TEX10: variants seen among roughly 807,000 people sequenced by gnomAD.
TEX10 encodes testis-expressed protein 10.
Under a neutral mutation model 104.4 loss-of-function variants are expected in TEX10, and 24 were observed. The ratio of observed to expected loss-of-function variants is 0.23; its 90% CI spans 0.17 to 0.32. The LOEUF (loss-of-function observed/expected upper bound fraction) is 0.32. Among genes scored for constraint, TEX10 ranks in the 10% least tolerant of loss-of-function variants. TEX10 has a pLI of 1.00. For synonymous variants in TEX10, 396 were observed against 393.4 expected, an observed-to-expected ratio of 1.01 and a Z score of -0.08; for missense variants, 921 against 1,083.9, an observed-to-expected ratio of 0.85 and a Z score of 2.11.
chr9:100,322,083 T>G (rs748773317), intron 9 of TEX10, among the ~76,000 whole-genome samples: 12 of 152,212 alleles, frequency 7.9e-5, no homozygotes, highest in Non-Finnish European at 1.5e-4. Context: ...AAGTTTTGCT[T>G]TTCAGTAGTA....
chr9:100,349,116 C>G, intron 2 of TEX10, 68 bp downstream of exon 2: 8 of 1,353,860 alleles, frequency 5.9e-6, no homozygotes, highest in Non-Finnish European at 7.8e-6. Flanking sequence ...CAAATTTTCA[C>G]AAAAATATAA....
In TEX10 at chr9:100,352,869, T is replaced by G; in HGVS notation, c.-107A>C. On this transcript the variant is annotated 5_prime_UTR_variant, in exon 1 of 15. Coordinates refer to ENST00000374902, the MANE Select transcript of TEX10 (RefSeq NM_017746.4). The stretch of plus-strand genomic sequence containing the variant: ...AGCGTGCGCCGCCGACCTCAGGCTC[T>G]AGCTCCCGGAGCGTGTTTTCAAATA... 1 of 1,000,016 alleles carries G rather than the reference T, an allele frequency of 1.0e-6. No homozygotes were observed. The highest frequency in any genetic ancestry group is 1.7e-5 in the African/African-American group (1 of 57,656). 61.9% of individuals were successfully genotyped at this position (1,000,016 alleles called of 1,614,324 possible).
rs1445809787 is a variant in TEX10 at position 100,352,871 on chromosome 9, G to A, written c.-109C>T. 1 of 999,954 alleles carries A rather than the reference G, an allele frequency of 1.0e-6. No homozygotes were observed. The highest frequency in any genetic ancestry group is 1.1e-4 in the East Asian group (1 of 9,250). The allele number at this position is 999,954 out of a possible 1,614,324, so 61.9% of individuals were successfully genotyped here. ...CGTGCGCCGCCGACCTCAGGCTCTA[G>A]CTCCCGGAGCGTGTTTTCAAATAGC... is the stretch of plus-strand genomic sequence containing the variant. On this transcript the variant is annotated 5_prime_UTR_variant, in exon 1 of 15. Transcript: ENST00000374902.
At chr9:100,324,544 T>C (rs978197217) in intron 9 of TEX10, among the ~76,000 whole-genome samples, 2 of 152,202 alleles carry the variant, frequency 1.3e-5, no homozygotes, top group East Asian at 1.9e-4. Flanking sequence ...TGACAATCAT[T>C]TAAATATGAG....
intron 5 of TEX10, among the ~76,000 whole-genome samples, chr9:100,339,290 T>C (rs865860296): frequency 5.8e-4 from 74 of 126,866 alleles, no homozygotes; most frequent in East Asian, 1.7e-3. Flanking sequence ...TATATATATA[T>C]ACATATATAT....
At chr9:100,316,383 T>G (rs1014298020) in intron 11 of TEX10, among the ~76,000 whole-genome samples, 3 of 151,900 alleles carry the variant, frequency 2.0e-5, no homozygotes, top group Non-Finnish European at 2.9e-5. Context: ...CTCAAAATAA[T>G]AAAGGCCATC....
intron 13 of TEX10, among the ~76,000 whole-genome samples, chr9:100,308,253 A>T (rs1834188493): frequency 6.6e-6 from 1 of 152,216 alleles, no homozygotes; most frequent in South Asian, 2.1e-4. Flanking sequence ...AAGAAATTTT[A>T]TAATGCCATC....
intron 2 of TEX10, 56 bp from the exon 3 acceptor site, chr9:100,347,462 C>T (rs1330433820): frequency 9.5e-6 from 13 of 1,362,686 alleles, no homozygotes; most frequent in Middle Eastern, 2.3e-4. Flanking sequence ...ATCAATTTCA[C>T]GTAAACATGC....
intron 2 of TEX10, among the ~76,000 whole-genome samples, chr9:100,348,706 G>C (rs1439020305): frequency 6.6e-6 from 1 of 152,180 alleles, no homozygotes; most frequent in Non-Finnish European, 1.5e-5. Context: ...TTGCATCCAA[G>C]AGTTTGAGAC....
chr9:100,320,778 A>C (rs1419302418), intron 10 of TEX10, among the ~76,000 whole-genome samples: 1 of 152,210 alleles, frequency 6.6e-6, no homozygotes, highest in South Asian at 2.1e-4. Flanking sequence ...CAAATGCTTT[A>C]GGTTCTTAGA....
chr9:100,305,606 C>T (rs1834124220), intron 13 of TEX10: 1 of 151,710 alleles, frequency 6.6e-6, no homozygotes, highest in Admixed American at 6.6e-5. Context: ...TTCAAATAAC[C>T]ACAGACCTTA....
chr9:100,310,746 CTTT>C (rs887781041), intron 11 of TEX10, among the ~76,000 whole-genome samples: 2 of 152,178 alleles, frequency 1.3e-5, no homozygotes, highest in African/African-American at 4.8e-5. Flanking sequence ...GCAATAGATT[CTTT>C]TAATACCTAC....
In TEX10 at chr9:100,310,291, A is replaced by C; in HGVS notation, c.2283+8T>G. The C allele has an allele frequency of 2.5e-6, 4 of 1,613,338 alleles. No homozygotes were observed. The highest frequency in any genetic ancestry group is 3.4e-6 in the Non-Finnish European group (4 of 1,179,420). Reference sequence around the variant, plus strand: ...CATTCTTAAGAGAAAAAGTTTAAGGATACTTACCAAATGCTTACTGATGGC... The same window carrying C: ...CATTCTTAAGAGAAAAAGTTTAAGGCTACTTACCAAATGCTTACTGATGGC... On this transcript the variant is annotated splice_region_variant and intron_variant, in intron 12 of 14. Transcript: ENST00000374902.
At chr9:100,336,528 C>T (rs1401541870) in intron 5 of TEX10, among the ~76,000 whole-genome samples, 1 of 152,170 alleles carries the variant, frequency 6.6e-6, no homozygotes, top group Non-Finnish European at 1.5e-5. Flanking sequence ...CTGTCACTGT[C>T]TCCCATCACC....
intron 4 of TEX10, among the ~76,000 whole-genome samples, chr9:100,342,255 C>A (rs1255489578): frequency 6.6e-6 from 1 of 152,210 alleles, no homozygotes; most frequent in African/African-American, 2.4e-5. Context: ...ATAGCTCCCC[C>A]TCACTGTTCC....
chr9:100,333,594 C>A (rs1206181400), intron 5 of TEX10, among the ~76,000 whole-genome samples: 4 of 148,302 alleles, frequency 2.7e-5, no homozygotes, highest in African/African-American at 1.0e-4. Flanking sequence ...TCCCTTGAGC[C>A]CAGTTCAAAA....
At chr9:100,310,069 A>C (rs1834235548) in intron 12 of TEX10, among the ~76,000 whole-genome samples, 1 of 152,204 alleles carries the variant, frequency 6.6e-6, no homozygotes, top group African/African-American at 2.4e-5. Flanking sequence ...TGATTTAGAA[A>C]AGTGAGGTCC....
At chr9:100,302,359 T>TGACA in intron 14 of TEX10, 55 bp from the exon 15 acceptor site, 1 of 1,277,158 alleles carries the variant, frequency 7.8e-7, no homozygotes, top group South Asian at 1.3e-5. Flanking sequence ...CTATGCTACC[T>TGACA]GACAGTATTT....
At position 100,340,283 on chromosome 9, in the gene TEX10, C is replaced by A; in HGVS notation, c.1224G>T (p.Lys408Asn). The A allele has an allele frequency of 6.4e-7, 1 of 1,570,040 alleles. No individual in the cohort carries two copies. The highest frequency in any genetic ancestry group is 8.6e-7 in the Non-Finnish European group (1 of 1,164,554). Residue 408 changes from lysine to asparagine, a missense_variant, in exon 5 of 15, where the codon AAG becomes AAT. By Grantham distance (94) the Lys-to-Asn change is moderately conservative (BLOSUM62 0). Around this residue, in one of 3 missense-constraint regions of TEX10, gnomAD observed 753 missense variants for 868.4 expected, o/e 0.87. Coordinates refer to ENST00000374902, the MANE Select transcript of TEX10 (RefSeq NM_017746.4). Reference sequence around the variant, plus strand: ...TTTTATTTGGCTCTTTCCTTTTGTGCTTGGTTATTTCTTTTAAGACATATG... The same window carrying A: ...TTTTATTTGGCTCTTTCCTTTTGTGATTGGTTATTTCTTTTAAGACATATG... Reference protein sequence around the residue: ...RFPYVLKEITKHKRKEPNKSI... With the variant: ...RFPYVLKEITNHKRKEPNKSI...
Sources: allele counts gnomAD v4.1 joint callset (sites outside exome capture counted in the v4.1 genomes callset), GRCh38; gene constraint gnomAD v4.1.1; regional missense constraint gnomAD v4.1.1; transcripts MANE v1.5; gene names NCBI Gene and HGNC (gene_info 2026-07-23, HGNC 2026-07-21).